LRRTM4: variants seen among roughly 807,000 people sequenced by gnomAD.
The protein encoded by LRRTM4 is leucine rich repeat transmembrane neuronal 4.
A neutral mutation model predicts 47.6 loss-of-function variants in LRRTM4; 25 were observed. The ratio of observed to expected loss-of-function variants is 0.53; its 90% CI spans 0.38 to 0.73. The LOEUF is 0.73. LRRTM4 is among the 30% of genes least tolerant of loss of function. LRRTM4 has a pLI of 0.00. For synonymous variants in LRRTM4, 311 were observed against 269.5 expected (o/e 1.15, Z -1.51); for missense variants, 638 against 713.4 (o/e 0.89, Z 1.20).
chr2:77,326,699 C>G (rs937668748), intron 3 of LRRTM4, among the ~76,000 whole-genome samples: 1 of 152,136 alleles, frequency 6.6e-6, no homozygotes, highest in Non-Finnish European at 1.5e-5. Flanking sequence ...CTCTGCCTCA[C>G]CTATAACTCT....
At chr2:76,994,388 T>C (rs1301530546) in intron 3 of LRRTM4, among the ~76,000 whole-genome samples, 2 of 151,920 alleles carry the variant, frequency 1.3e-5, no homozygotes, top group Admixed American at 1.3e-4. Flanking sequence ...ATATAACCAA[T>C]TTCATGTGCA....
At chr2:76,774,105 T>G (rs1188060134) in intron 3 of LRRTM4, among the ~76,000 whole-genome samples, 2 of 152,166 alleles carry the variant, frequency 1.3e-5, no homozygotes, top group African/African-American at 2.4e-5. Context: ...AAGAACATAG[T>G]CAATATATAT....
intron 3 of LRRTM4, among the ~76,000 whole-genome samples, chr2:77,502,136 T>C (rs1350073539): frequency 6.6e-6 from 1 of 151,470 alleles, no homozygotes; most frequent in Non-Finnish European, 1.5e-5. Context: ...ACTAAAAATA[T>C]GTGTAGACGA....
intron 3 of LRRTM4, among the ~76,000 whole-genome samples, chr2:77,102,018 A>G (rs1006540495): frequency 1.3e-5 from 2 of 152,206 alleles, no homozygotes; most frequent in African/African-American, 4.8e-5. Flanking sequence ...ATTGCAGGAC[A>G]AACAAAGGGA....
intron 3 of LRRTM4, among the ~76,000 whole-genome samples, chr2:77,045,680 T>C (rs1022277127): frequency 1.3e-5 from 2 of 151,984 alleles, no homozygotes; most frequent in South Asian, 2.1e-4. Flanking sequence ...CCATGTAAGA[T>C]GTGCCTTGCT....
At chr2:77,181,720 C>A (rs1673350825) in intron 3 of LRRTM4, among the ~76,000 whole-genome samples, 1 of 151,830 alleles carries the variant, frequency 6.6e-6, no homozygotes, top group South Asian at 2.1e-4. Context: ...CCTATCTTAA[C>A]TAATAAATTT....
rs1338386675 is a variant in LRRTM4, at chr2:77,210,679, G to A, written c.1551+307639C>T. ...TTCAGTTTGACTCCTAATTTTGTGT[G>A]CCATTTTTCCCACTGCGTTTTCAGG... On this transcript the variant is annotated intron_variant, in intron 3 of 3. Coordinates refer to ENST00000409884, the MANE Select transcript of LRRTM4 (RefSeq NM_001134745.3). 3.3e-5 allele frequency among the ~76,000 whole-genome samples: 5 copies of A among 152,208 alleles called. No individual in the cohort carries two copies. In the East Asian group the frequency reaches 9.6e-4, roughly 29 times the overall value.
intron 3 of LRRTM4, among the ~76,000 whole-genome samples, chr2:76,816,974 A>G (rs1399880678): frequency 1.3e-5 from 2 of 151,686 alleles, no homozygotes; most frequent in African/African-American, 4.8e-5. Flanking sequence ...AGTCAAAGAT[A>G]CAGTCCTGTA....
intron 3 of LRRTM4, among the ~76,000 whole-genome samples, chr2:76,845,436 G>A (rs1671810250): frequency 6.6e-6 from 1 of 152,120 alleles, no homozygotes. Context: ...AGGTTGAAGT[G>A]AGGGGAGATC....
At chr2:76,926,969 G>A (rs1331872028) in intron 3 of LRRTM4, among the ~76,000 whole-genome samples, 2 of 152,142 alleles carry the variant, frequency 1.3e-5, no homozygotes, top group Admixed American at 6.5e-5. Flanking sequence ...ACGTGAAAAT[G>A]TGTCAAGATG....
intron 3 of LRRTM4, among the ~76,000 whole-genome samples, chr2:77,288,857 A>G (rs1234383577): frequency 6.6e-6 from 1 of 152,050 alleles, no homozygotes; most frequent in Non-Finnish European, 1.5e-5. Flanking sequence ...TCTCAGCAGA[A>G]GCCAATTGGG....
chr2:77,374,128 G>A (rs890890638), intron 3 of LRRTM4, among the ~76,000 whole-genome samples: 1 of 151,712 alleles, frequency 6.6e-6, no homozygotes, highest in African/African-American at 2.4e-5. Flanking sequence ...ATTTCAGGAA[G>A]CTTGGCACAG....
At chr2:76,934,986 TTAGA>T (rs1334878325) in intron 3 of LRRTM4, among the ~76,000 whole-genome samples, 1 of 151,592 alleles carries the variant, frequency 6.6e-6, no homozygotes, top group Non-Finnish European at 1.5e-5. Context: ...AAAAGATGAC[TTAGA>T]TAGGAATTTT....
At chr2:77,316,027 T>C (rs1201664623) in intron 3 of LRRTM4, among the ~76,000 whole-genome samples, 1 of 152,188 alleles carries the variant, frequency 6.6e-6, no homozygotes, top group East Asian at 1.9e-4. Context: ...GAACAGGGAA[T>C]CTAAATTTGG....
chr2:76,799,773 T>G (rs62172114), intron 3 of LRRTM4, among the ~76,000 whole-genome samples: 1 of 136,628 alleles, frequency 7.3e-6, no homozygotes, highest in Non-Finnish European at 1.6e-5. Context: ...ACAAAATCAA[T>G]GTACAAAAAT....
chr2:77,420,570 A>T (rs1234508301), intron 3 of LRRTM4, among the ~76,000 whole-genome samples: 1 of 151,760 alleles, frequency 6.6e-6, no homozygotes, highest in Non-Finnish European at 1.5e-5. Context: ...AAGAATAAGG[A>T]AAAAGCTATT....
At chr2:77,493,062 T>C (rs1360553280) in intron 3 of LRRTM4, among the ~76,000 whole-genome samples, 2 of 151,838 alleles carry the variant, frequency 1.3e-5, no homozygotes, top group Non-Finnish European at 2.9e-5. Flanking sequence ...AAGGCCAAAA[T>C]AGAAAACAAA....
intron 3 of LRRTM4, among the ~76,000 whole-genome samples, chr2:76,932,591 T>G (rs1674807051): frequency 6.6e-6 from 1 of 152,120 alleles, no homozygotes; most frequent in African/African-American, 2.4e-5. Flanking sequence ...TATGTTTCAT[T>G]CTTGTAAATA....
At chr2:77,005,333 C>A (rs933995574) in intron 3 of LRRTM4, among the ~76,000 whole-genome samples, 6 of 152,094 alleles carry the variant, frequency 3.9e-5, no homozygotes, top group African/African-American at 1.2e-4. Flanking sequence ...TTAGTAGAGA[C>A]AGGGTTTCAC....
Sources: allele counts gnomAD v4.1 joint callset (sites outside exome capture counted in the v4.1 genomes callset), GRCh38; gene constraint gnomAD v4.1.1; transcripts MANE v1.5; gene names NCBI Gene and HGNC (gene_info 2026-07-23, HGNC 2026-07-21).